The following WDR91 variants were observed in gnomAD, a reference collection of about 807,000 sequenced individuals.
WDR91 encodes WD repeat domain 91.
A neutral mutation model predicts 88.4 loss-of-function variants in WDR91; 52 were observed. The ratio of observed to expected loss-of-function variants is 0.59; its 90% confidence interval spans 0.47 to 0.74. The LOEUF is 0.74. WDR91 is among the 30% of genes least tolerant of loss of function. WDR91 has a pLI of 0.00. For missense variants in WDR91, 824 were observed against 954.5 expected (o/e 0.86, Z 1.80); for synonymous variants, 362 against 389.5 (o/e 0.93, Z 0.83).
At chr7:135,187,448 C>G (rs1830991285) in intron 13 of WDR91, among the ~76,000 whole-genome samples, 1 of 152,238 alleles carries the variant, frequency 6.6e-6, no homozygotes, top group South Asian at 2.1e-4. Flanking sequence ...CAACCCTTCT[C>G]TTTCTCTCTG....
At chr7:135,195,953 GA>G (rs934458938) in intron 8 of WDR91, among the ~76,000 whole-genome samples, 190 bp downstream of exon 8, 129 of 138,932 alleles carry the variant, frequency 9.3e-4, no homozygotes, top group South Asian at 1.1e-3. Context: ...TCTCAATAAG[GA>G]AAAAAAAAAA....
At chr7:135,210,891 A>C in intron 1 of WDR91, 1 of 703,706 alleles carries the variant, frequency 1.4e-6, no homozygotes, top group Non-Finnish European at 2.6e-6. Flanking sequence ...ATGTGCCATG[A>C]GGTCTTCCAC....
chr7:135,206,314 C>G (rs1308091355), intron 4 of WDR91, among the ~76,000 whole-genome samples: 2 of 152,054 alleles, frequency 1.3e-5, no homozygotes, highest in East Asian at 3.9e-4. Context: ...TTGCTTCCTC[C>G]TAGATTCACT....
At chr7:135,208,172 T>C (rs1046750110) in intron 3 of WDR91, among the ~76,000 whole-genome samples, 1 of 152,166 alleles carries the variant, frequency 6.6e-6, no homozygotes, top group African/African-American at 2.4e-5. Flanking sequence ...TCCTCTAAAT[T>C]TCCAGCCTAG....
chr7:135,189,401 T>G lies in WDR91; in HGVS notation c.1711A>C (p.Asn571His). 1 of 1,613,988 alleles carries G rather than the reference T, an allele frequency of 6.2e-7. No individual in the cohort carries two copies. The change falls in exon 12 of 15, where the codon AAT becomes CAT. Residue 571 changes from asparagine (N) to histidine (H), a missense_variant. Physicochemically the swap from Asn to His is moderately conservative, Grantham distance 68. Coordinates refer to ENST00000354475, the MANE Select transcript of WDR91 (RefSeq NM_014149.4). ...EPIAINCTAF[N>H]HNGNLLVTGA... ...GTGACCAGCAGGTTCCCGTTGTGATTGAAGGCTGTACAGTTGATAGCAATG... is the reference window on the plus strand; with the variant it reads ...GTGACCAGCAGGTTCCCGTTGTGATGGAAGGCTGTACAGTTGATAGCAATG...
intron 1 of WDR91, chr7:135,210,886 C>G: frequency 7.1e-6 from 5 of 703,692 alleles, no homozygotes; most frequent in Non-Finnish European, 1.0e-5. Context: ...CTCTAATGTG[C>G]CATGAGGTCT....
At chr7:135,188,354 G>T (rs1383479303) in intron 13 of WDR91, 79 bp downstream of exon 13, 2 of 1,199,668 alleles carry the variant, frequency 1.7e-6, no homozygotes, top group Admixed American at 1.7e-5. Flanking sequence ...TGCAGAGCTA[G>T]TAACAGGTAT....
At chr7:135,204,578 T>C in intron 5 of WDR91, 145 bp from the exon 6 acceptor site, 1 of 821,802 alleles carries the variant, frequency 1.2e-6, no homozygotes, top group Non-Finnish European at 1.8e-6. Context: ...GGTATTATCC[T>C]TGGCATCATT....
Position 135,208,956 on chromosome 7 carries a change from C to A in WDR91, c.346G>T (p.Ala116Ser). Residue 116 changes from alanine (A) to serine (S), a missense_variant, in exon 3 of 15, where the codon GCC becomes TCC. Transcript: ENST00000354475. ...TCAGCCTGGTTCTGGAGTTCCGTGG[C>A]CTGCTTTGCAAAGAACTCCTGAGCC... The part of the protein sequence containing the change: ...DKAQEFFAKQ[A>S]TELQNQAEWK... 1 of 1,614,160 alleles carries A rather than the reference C, an allele frequency of 6.2e-7. No homozygotes were observed.
intron 12 of WDR91, among the ~76,000 whole-genome samples, chr7:135,188,782 G>A (rs1015894191): frequency 6.6e-6 from 1 of 152,148 alleles, no homozygotes; most frequent in Non-Finnish European, 1.5e-5. Flanking sequence ...AGGAGTCCCT[G>A]GGGGGAGCTC....
chr7:135,207,167 G>T lies in WDR91; in HGVS notation c.547C>A (p.Gln183Lys). The T allele has an allele frequency of 1.2e-6, 2 of 1,608,252 alleles. No homozygotes were observed. Among genetic ancestry groups the T allele is most frequent in the South Asian group, 2.2e-5 (2 of 90,942 alleles). Residue 183 changes from glutamine to lysine, a missense_variant, in exon 4 of 15, where the codon CAG (glutamine) becomes AAG (lysine). Transcript: ENST00000354475. ...PVILNFDAEC[Q>K]RTNQVQEENE... ...TCTTCTTGAACCTGGTTAGTCCTCTGACACTCCGCATCAAAGTTCAGGATC... is the reference window on the plus strand; with the variant it reads ...TCTTCTTGAACCTGGTTAGTCCTCTTACACTCCGCATCAAAGTTCAGGATC...
intron 1 of WDR91, among the ~76,000 whole-genome samples, chr7:135,210,123 A>G (rs1340912999): frequency 6.6e-6 from 1 of 152,020 alleles, no homozygotes; most frequent in Admixed American, 6.6e-5. Context: ...GCTGAGGTGG[A>G]TGGATCACCT....
At chr7:135,204,599 A>C in intron 5 of WDR91, 166 bp from the exon 6 acceptor site, 2 of 674,170 alleles carry the variant, frequency 3.0e-6, no homozygotes, top group South Asian at 4.3e-5. Flanking sequence ...TTTTTGCACA[A>C]AGGGAGCCAG....
rs1193190283 is a variant in WDR91 at position 135,196,060 on chromosome 7, C to T, written c.1244+84G>A. 20 of 1,346,882 alleles carry T rather than the reference C, an allele frequency of 1.5e-5. No homozygotes were observed. The highest frequency in any genetic ancestry group is 1.9e-5 in the Non-Finnish European group (19 of 1,010,650). The allele number at this position is 1,346,882 out of a possible 1,614,324, so 83.4% of individuals were successfully genotyped here. A position where few individuals can be genotyped will look rare whatever the true frequency, so the allele number is the denominator to read the frequency against. ...CCCTCGTCCAAGCCCCCATTCTCCGCCATCTCCTGCTGGCCACACCTCCAC... is the reference window on the plus strand; with the variant it reads ...CCCTCGTCCAAGCCCCCATTCTCCGTCATCTCCTGCTGGCCACACCTCCAC... On this transcript the variant is annotated intron_variant, in intron 8 of 14. Transcript: ENST00000354475. This position sits in a 1 kb window ranked among gnomAD's most constrained non-coding sequence, Gnocchi z 4.2.
At chr7:135,186,805 T>C (rs768315379) in intron 14 of WDR91, among the ~76,000 whole-genome samples, 167 bp downstream of exon 14, 5 of 152,228 alleles carry the variant, frequency 3.3e-5, no homozygotes, top group Non-Finnish European at 5.9e-5. Context: ...AACATGGCTC[T>C]CCTCTGAACC....
At position 135,207,061 on chromosome 7, in the gene WDR91, T is replaced by A. The variant is rs1363364247; in HGVS notation, c.594+59A>T. 2.0e-6 allele frequency: 3 copies of A among 1,468,008 alleles called. No individual in the cohort carries two copies. The South Asian group carries it at 3.4e-5, about 17-fold the overall frequency. The allele number at this position is 1,468,008 out of a possible 1,614,324, so 90.9% of individuals were successfully genotyped here. A position where few individuals can be genotyped will look rare whatever the true frequency, so the allele number is the denominator to read the frequency against. On this transcript the variant is annotated intron_variant, in intron 4 of 14. Coordinates refer to ENST00000354475, the MANE Select transcript of WDR91 (RefSeq NM_014149.4). ...AATATAGTGTTCCACTGCCACTACC[T>A]AATTTCACACACAAAAAGCAGAAGT...
In WDR91 at chr7:135,209,614, T is replaced by C. The variant is rs746016447; in HGVS notation, c.265A>G (p.Thr89Ala). 2 of 1,610,040 alleles carry C rather than the reference T, an allele frequency of 1.2e-6. No individual in the cohort carries two copies. Among genetic ancestry groups the C allele is most frequent in the African/African-American group, 2.7e-5 (2 of 74,772 alleles). Residue 89 changes from threonine (T) to alanine (A), a missense_variant, in exon 2 of 15, where the codon ACC (threonine) becomes GCC (alanine). Thr to Ala is a moderately conservative substitution (Grantham distance 58). Transcript: ENST00000354475. Reference sequence around the variant, plus strand: ...ACAAGATAAAATCGAAACAGGCTGGTTTTCAGCTTGTGGATTGTGGGTCTG... The same window carrying C: ...ACAAGATAAAATCGAAACAGGCTGGCTTTCAGCTTGTGGATTGTGGGTCTG... ...IYRPTIHKLK[T>A]SLFRFYLVYT...
At chr7:135,205,849 G>A in intron 5 of WDR91, 79 bp downstream of exon 5, 1 of 1,594,456 alleles carries the variant, frequency 6.3e-7, no homozygotes. Flanking sequence ...AGGACTGCAG[G>A]CAAGGCAAGA....
Position 135,185,790 on chromosome 7 carries a change from C to CT in WDR91, c.*360dup. 1 of 174,790 alleles carries CT rather than the reference C, an allele frequency of 5.7e-6. No homozygotes were observed. The highest frequency in any genetic ancestry group is 1.2e-5 in the Non-Finnish European group (1 of 83,530). 10.8% of individuals were successfully genotyped at this position (174,790 alleles called of 1,614,324 possible). A position where few individuals can be genotyped will look rare whatever the true frequency, so the allele number is the denominator to read the frequency against. On this transcript the variant is annotated 3_prime_UTR_variant, in exon 15 of 15. Coordinates refer to ENST00000354475, the MANE Select transcript of WDR91 (RefSeq NM_014149.4). Reference sequence around the variant, plus strand: ...CATCAGGGGACCACAAGAGTATTCTCTTTTTTTAAAAAAGAAAAAGATAAA... The same window carrying CT: ...CATCAGGGGACCACAAGAGTATTCTCTTTTTTTTAAAAAAGAAAAAGATAAA...
Sources: allele counts gnomAD v4.1 joint callset (sites outside exome capture counted in the v4.1 genomes callset), GRCh38; gene constraint gnomAD v4.1.1; non-coding constraint Gnocchi (gnomAD v3.1); transcripts MANE v1.5; gene names NCBI Gene and HGNC (gene_info 2026-07-23, HGNC 2026-07-21).